SLC9A2: variants seen among roughly 807,000 people sequenced by gnomAD.
SLC9A2 encodes the protein solute carrier family 9 member A2.
A neutral mutation model predicts 71.7 loss-of-function variants in SLC9A2; 42 were observed. The observed-to-expected ratio is 0.59, with a 90% CI of 0.46 to 0.76. SLC9A2 has a LOEUF of 0.76. SLC9A2 is among the 30% of genes least tolerant of loss of function. The probability of loss-of-function intolerance (pLI) is 0.00; values close to 1 mark genes in which losing one functional copy is unlikely to be tolerated. For missense variants in SLC9A2, 829 were observed against 1,017.4 expected (o/e 0.81, Z 2.52); for synonymous variants, 396 against 392.5 (o/e 1.01, Z -0.10).
rs143393762 is a variant in SLC9A2, at chr2:102,637,730, C to T, written c.289+17593C>T. Among the ~76,000 whole-genome samples, 312 of 152,322 alleles carry T rather than the reference C, an allele frequency of 2.0e-3. 1 individual carries two copies. The highest frequency in any genetic ancestry group is 7.3e-3 in the African/African-American group (302 of 41,560). ...GTGCCCCAGCTGGGACAGGGAGGCA[C>T]CCCTGGCCCGTGAGGAGATGGTCCC... On this transcript the variant is annotated intron_variant, in intron 1 of 11. Transcript: ENST00000233969.
chr2:102,711,058 A>T lies in SLC9A2; in HGVS notation c.*2569A>T, dbSNP rs1678100880. ...TGTGTTTTGTGTATATGCTCACAAA[A>T]TGTCTGTGAAGAGATTTCTTTCAGC... On this transcript the variant is annotated 3_prime_UTR_variant, in exon 12 of 12. Coordinates refer to ENST00000233969, the MANE Select transcript of SLC9A2 (RefSeq NM_003048.6). 1 of 152,346 alleles carries T rather than the reference A, an allele frequency of 6.6e-6. No homozygotes were observed. Among genetic ancestry groups the T allele is most frequent in the South Asian group, 2.1e-4 (1 of 4,830 alleles). 9.4% of individuals were successfully genotyped at this position (152,346 alleles called of 1,614,324 possible).
At position 102,672,137 on chromosome 2, in the gene SLC9A2, T is replaced by C. The variant is rs6733402; in HGVS notation, c.1004+6787T>C. Reference sequence around the variant, plus strand: ...AAAATAATAATAATAAAAATAAATTTAAAAATATATAGCAGATTTTTAAGA... The same window carrying C: ...AAAATAATAATAATAAAAATAAATTCAAAAATATATAGCAGATTTTTAAGA... On this transcript the variant is annotated intron_variant, in intron 3 of 11. Transcript: ENST00000233969. 7.3e-3 allele frequency among the ~76,000 whole-genome samples: 1,109 copies of C among 152,130 alleles called. 15 individuals carry two copies. The highest frequency in any genetic ancestry group is 0.025 in the African/African-American group (1,033 of 41,520).
chr2:102,695,118 G>A lies in SLC9A2; in HGVS notation c.1586+5G>A. The A allele has an allele frequency of 6.2e-7, 1 of 1,610,272 alleles. No homozygotes were observed. Among genetic ancestry groups the A allele is most frequent in the Non-Finnish European group, 8.5e-7 (1 of 1,176,564 alleles). ...TCACAACTTTTGGAGAGACAAGTAA[G>A]AAGGTCTTATGCCATTGGGTTATGA... On this transcript the variant is annotated splice_donor_5th_base_variant and intron_variant, in intron 7 of 11. Coordinates refer to ENST00000233969, the MANE Select transcript of SLC9A2 (RefSeq NM_003048.6).
At position 102,620,094 on chromosome 2, in the gene SLC9A2, C is replaced by T; in HGVS notation, c.246C>T (p.Phe82=). The T allele has an allele frequency of 6.2e-7, 1 of 1,613,260 alleles. No individual in the cohort carries two copies. Among genetic ancestry groups the T allele is most frequent in the Non-Finnish European group, 8.5e-7 (1 of 1,179,546 alleles). The change falls in exon 1 of 12, where the codon TTC becomes TTT. Residue 82 remains phenylalanine (F), a synonymous_variant. Transcript: ENST00000233969. ...TLDYPHVQIP[F]EITLWILLAS... is the part of the protein sequence containing the mutation. ...ATTACCCCCACGTGCAGATCCCCTTCGAGATCACCCTTTGGATCCTGCTGG... is the reference window on the plus strand; with the variant it reads ...ATTACCCCCACGTGCAGATCCCCTTTGAGATCACCCTTTGGATCCTGCTGG...
At chr2:102,678,575 G>A (rs567337275) in intron 3 of SLC9A2, among the ~76,000 whole-genome samples, 17 of 152,256 alleles carry the variant, frequency 1.1e-4, no homozygotes, top group Non-Finnish European at 1.9e-4. Context: ...TGTGGACTCC[G>A]GTCATGAAAT....
At chr2:102,662,528 G>A (rs947193705) in intron 2 of SLC9A2, among the ~76,000 whole-genome samples, 8 of 152,212 alleles carry the variant, frequency 5.3e-5, no homozygotes, top group Admixed American at 4.6e-4. Flanking sequence ...TGTGGTGCAG[G>A]AGGTCAGAGA....
chr2:102,667,801 G>A (rs1331240082), intron 3 of SLC9A2, among the ~76,000 whole-genome samples: 4 of 152,114 alleles, frequency 2.6e-5, no homozygotes, highest in South Asian at 4.1e-4. Flanking sequence ...CAGGCACAGC[G>A]GCTCATGCCT....
At chr2:102,668,551 G>A (rs547390771) in intron 3 of SLC9A2, among the ~76,000 whole-genome samples, 1 of 152,102 alleles carries the variant, frequency 6.6e-6, no homozygotes, top group Admixed American at 6.6e-5. Context: ...TACTAATTAC[G>A]CTCTCTCTTT....
At chr2:102,651,433 A>G (rs1466966049) in intron 1 of SLC9A2, among the ~76,000 whole-genome samples, 2 of 152,088 alleles carry the variant, frequency 1.3e-5, no homozygotes, top group African/African-American at 4.8e-5. Context: ...CTCTTTGCTC[A>G]AGGTGCTCCC....
At chr2:102,666,720 T>C (rs1011084057) in intron 3 of SLC9A2, among the ~76,000 whole-genome samples, 2 of 152,214 alleles carry the variant, frequency 1.3e-5, no homozygotes, top group African/African-American at 4.8e-5. Context: ...GTGGATGTTT[T>C]TGTAGCTTCC....
At chr2:102,662,843 A>G (rs1175899770) in intron 2 of SLC9A2, among the ~76,000 whole-genome samples, 3 of 151,988 alleles carry the variant, frequency 2.0e-5, no homozygotes, top group Non-Finnish European at 4.4e-5. Flanking sequence ...CTTTGAAGGA[A>G]GTAGGTCTCG....
At chr2:102,651,346 C>G (rs773141446) in intron 1 of SLC9A2, among the ~76,000 whole-genome samples, 4 of 152,192 alleles carry the variant, frequency 2.6e-5, no homozygotes, top group Non-Finnish European at 5.9e-5. Context: ...GCTCTGCAGG[C>G]TCTAGCATTT....
intron 1 of SLC9A2, among the ~76,000 whole-genome samples, chr2:102,656,437 C>T (rs772899261): frequency 9.2e-5 from 14 of 152,212 alleles, no homozygotes; most frequent in South Asian, 2.1e-4. Flanking sequence ...CTTCCTCTTC[C>T]TCTGTTTCCA....
In SLC9A2 at chr2:102,699,637, A is replaced by G. The variant is rs537830482; in HGVS notation, c.1587-1433A>G. Reference sequence around the variant, plus strand: ...GATGTGGAACCAACAGAAATTGCTGATGGCGCAAAGATTTGGAGTACTAGT... The same window carrying G: ...GATGTGGAACCAACAGAAATTGCTGGTGGCGCAAAGATTTGGAGTACTAGT... On this transcript the variant is annotated intron_variant, in intron 7 of 11. Coordinates refer to ENST00000233969, the MANE Select transcript of SLC9A2 (RefSeq NM_003048.6). 3.2e-4 allele frequency among the ~76,000 whole-genome samples: 49 copies of G among 152,306 alleles called. No individual in the cohort carries two copies. The South Asian group carries it at 1.0e-2, about 31-fold the overall frequency.
intron 1 of SLC9A2, among the ~76,000 whole-genome samples, chr2:102,636,639 A>C (rs781448573): frequency 3.3e-5 from 5 of 152,238 alleles, no homozygotes; most frequent in Non-Finnish European, 5.9e-5. Flanking sequence ...AATTGGCATA[A>C]ATCGTTTACT....
In SLC9A2 at chr2:102,709,792, T is replaced by G. The variant is rs982109081; in HGVS notation, c.*1303T>G. 15 of 152,500 alleles carry G rather than the reference T, an allele frequency of 9.8e-5. No individual in the cohort carries two copies. Among genetic ancestry groups the G allele is most frequent in the East Asian group, 1.9e-4 (1 of 5,338 alleles). The allele number at this position is 152,500 out of a possible 1,614,324, so 9.4% of individuals were successfully genotyped here. ...CTCTATCTCTTAACTGTAGATTTTA[T>G]TGGCCTGTTTTTTTTTTCTAAATAA... is the stretch of plus-strand genomic sequence containing the variant. On this transcript the variant is annotated 3_prime_UTR_variant, in exon 12 of 12. Coordinates refer to ENST00000233969, the MANE Select transcript of SLC9A2 (RefSeq NM_003048.6).
intron 3 of SLC9A2, among the ~76,000 whole-genome samples, chr2:102,666,337 A>G (rs1677141069): frequency 6.6e-6 from 1 of 151,670 alleles, no homozygotes; most frequent in Admixed American, 6.6e-5. Flanking sequence ...CTGGGACTGC[A>G]GGCGCCCGCC....
chr2:102,636,579 G>T (rs892093103), intron 1 of SLC9A2, among the ~76,000 whole-genome samples: 1 of 152,154 alleles, frequency 6.6e-6, no homozygotes, highest in East Asian at 1.9e-4. Flanking sequence ...TAGAGTCCCT[G>T]GAAAGCTTTA....
rs777955488 is a variant in SLC9A2 at position 102,684,117 on chromosome 2, G to T, written c.1223-17G>T. Reference sequence around the variant, plus strand: ...CCTCACCCAGTCTGTTTCCTCTTGGGTTTTCTTTCTTTGCAGGTGTTTTTG... The same window carrying T: ...CCTCACCCAGTCTGTTTCCTCTTGGTTTTTCTTTCTTTGCAGGTGTTTTTG... On this transcript the variant is annotated splice_polypyrimidine_tract_variant and intron_variant, in intron 4 of 11. Coordinates refer to ENST00000233969, the MANE Select transcript of SLC9A2 (RefSeq NM_003048.6). 1.2e-6 allele frequency: 2 copies of T among 1,609,076 alleles called. No homozygotes were observed. The highest frequency in any genetic ancestry group is 4.5e-5 in the East Asian group (2 of 44,856).
Sources: allele counts gnomAD v4.1 joint callset (sites outside exome capture counted in the v4.1 genomes callset), GRCh38; gene constraint gnomAD v4.1.1; transcripts MANE v1.5; gene names NCBI Gene and HGNC (gene_info 2026-07-23, HGNC 2026-07-21).